Variants in TNFSF4 observed in about 807,000 individuals in gnomAD.
TNFSF4 encodes tumor necrosis factor ligand superfamily member 4.
TNFSF4 carries 4 observed loss-of-function variants against 7.3 expected under a neutral mutation model. The ratio of observed to expected loss-of-function variants is 0.55; its 90% confidence interval spans 0.27 to 1.25. TNFSF4 has a LOEUF of 1.25. Ranked by LOEUF, TNFSF4 falls within the 50% of genes most tolerant of loss-of-function variation. The pLI, the probability that TNFSF4 is intolerant of heterozygous loss-of-function variation, is 0.12. For missense variants in TNFSF4, 181 were observed against 208.8 expected (o/e 0.87, Z 0.82); for synonymous variants, 76 against 83.7 (o/e 0.91, Z 0.50).
the TNFSF4 span, among the ~76,000 whole-genome samples, chr1:173,448,002 T>G: frequency 6.6e-6 from 1 of 152,164 alleles, no homozygotes; most frequent in Admixed American, 6.5e-5. Flanking sequence ...AAAGTAGATT[T>G]CAAAGCAAGA....
At chr1:173,300,032 T>C in the TNFSF4 span, among the ~76,000 whole-genome samples, 3 of 151,906 alleles carry the variant, frequency 2.0e-5, no homozygotes, top group Admixed American at 2.0e-4. Flanking sequence ...ATGAGTTCAA[T>C]AAATCAGGCT....
the TNFSF4 span, among the ~76,000 whole-genome samples, chr1:173,311,833 C>T: frequency 7.9e-5 from 12 of 152,054 alleles, no homozygotes; most frequent in South Asian, 2.1e-4. Context: ...CAATAAAATG[C>T]GGATTTGGAG....
the TNFSF4 span, among the ~76,000 whole-genome samples, chr1:173,411,058 C>T: frequency 6.6e-6 from 1 of 152,258 alleles, no homozygotes; most frequent in African/African-American, 2.4e-5. Context: ...CCTGCTGACA[C>T]TGGTCCGCTT....
the TNFSF4 span, among the ~76,000 whole-genome samples, chr1:173,249,798 C>T: frequency 6.6e-6 from 1 of 152,174 alleles, no homozygotes; most frequent in Non-Finnish European, 1.5e-5. Context: ...ATAATAGTAC[C>T]TGCTTCACAG....
the TNFSF4 span, among the ~76,000 whole-genome samples, chr1:173,233,111 A>C: frequency 6.6e-6 from 1 of 152,220 alleles, no homozygotes; most frequent in Non-Finnish European, 1.5e-5. Context: ...CTAACTGAAT[A>C]ACCAGTGTAG....
At chr1:173,361,052 T>C in the TNFSF4 span, among the ~76,000 whole-genome samples, 2 of 152,218 alleles carry the variant, frequency 1.3e-5, no homozygotes, top group African/African-American at 4.8e-5. Context: ...CTAGAACTCA[T>C]CTTGTGCAGC....
At chr1:173,428,192 G>A in the TNFSF4 span, among the ~76,000 whole-genome samples, 17 of 152,206 alleles carry the variant, frequency 1.1e-4, no homozygotes, top group African/African-American at 2.4e-4. Flanking sequence ...TGATCCACCC[G>A]CCTCAGCCTC....
the TNFSF4 span, among the ~76,000 whole-genome samples, chr1:173,304,649 T>C: frequency 1.3e-5 from 2 of 151,986 alleles, no homozygotes; most frequent in Admixed American, 6.6e-5. Flanking sequence ...ACTTCCAAGA[T>C]GGCTTAATTA....
chr1:173,434,792 G>A, the TNFSF4 span, among the ~76,000 whole-genome samples: 1 of 152,206 alleles, frequency 6.6e-6, no homozygotes, highest in South Asian at 2.1e-4. Flanking sequence ...GGATCACGCA[G>A]GATTTTAGTT....
At chr1:173,228,348 C>A in the TNFSF4 span, among the ~76,000 whole-genome samples, 22 of 152,360 alleles carry the variant, frequency 1.4e-4, no homozygotes, top group African/African-American at 5.0e-4. Flanking sequence ...CAAACTCCAA[C>A]AGACCTGCAG....
chr1:173,211,516 T>A (rs1650371745), upstream of TNFSF4, among the ~76,000 whole-genome samples: 2 of 152,288 alleles, frequency 1.3e-5, no homozygotes, highest in Non-Finnish European at 2.9e-5. Context: ...TGCAGTCAGC[T>A]CTCCAAGCCC....
At chr1:173,382,556 A>G in the TNFSF4 span, among the ~76,000 whole-genome samples, 2 of 152,240 alleles carry the variant, frequency 1.3e-5, no homozygotes, top group Admixed American at 1.3e-4. Flanking sequence ...CGTGTATCCC[A>G]GAACTTAAAG....
At chr1:173,379,136 C>T in the TNFSF4 span, among the ~76,000 whole-genome samples, 1 of 152,232 alleles carries the variant, frequency 6.6e-6, no homozygotes, top group East Asian at 1.9e-4. Context: ...GCGGCTTTAG[C>T]TGCAGCCTGA....
the TNFSF4 span, among the ~76,000 whole-genome samples, chr1:173,228,834 T>C: frequency 2.5e-3 from 374 of 152,244 alleles, 2 homozygotes; most frequent in African/African-American, 8.3e-3. Context: ...GGATCAGTGA[T>C]TGAAGATCAA....
the TNFSF4 span, among the ~76,000 whole-genome samples, chr1:173,294,154 G>A: frequency 2.0e-5 from 3 of 151,922 alleles, no homozygotes; most frequent in Non-Finnish European, 2.9e-5. Flanking sequence ...ACATGCACTC[G>A]TATGTTCATC....
intron 1 of TNFSF4, among the ~76,000 whole-genome samples, chr1:173,203,884 G>T (rs1398470944): frequency 6.6e-6 from 1 of 152,140 alleles, no homozygotes; most frequent in Non-Finnish European, 1.5e-5. Flanking sequence ...GAAGTTCCAG[G>T]TAAGACTGGA....
chr1:173,230,312 C>A, the TNFSF4 span, among the ~76,000 whole-genome samples: 1 of 152,210 alleles, frequency 6.6e-6, no homozygotes, highest in Non-Finnish European at 1.5e-5. Flanking sequence ...AACTGAACAA[C>A]CTGCTCCTGA....
the TNFSF4 span, among the ~76,000 whole-genome samples, chr1:173,324,704 G>T: frequency 6.6e-6 from 1 of 151,950 alleles, no homozygotes; most frequent in African/African-American, 2.4e-5. Flanking sequence ...AAAAGACAGG[G>T]GTTGCAATCC....
the TNFSF4 span, among the ~76,000 whole-genome samples, chr1:173,241,911 T>G: frequency 3.3e-5 from 5 of 152,308 alleles, no homozygotes; most frequent in South Asian, 1.0e-3. Context: ...GATAGCCTTT[T>G]GCATTGCGTG....
Sources: gnomAD v4.1 joint callset for allele counts (sites outside exome capture counted in the v4.1 genomes callset) on GRCh38, gnomAD v4.1.1 for gene constraint, MANE v1.5 for transcripts, NCBI Gene and HGNC (gene_info 2026-07-23, HGNC 2026-07-21) for gene names.